The following UBE2D3 variants were observed in gnomAD, a reference collection of about 807,000 sequenced individuals.
The protein encoded by UBE2D3 is ubiquitin-conjugating enzyme E2 D3.
A neutral mutation model predicts 22.8 loss-of-function variants in UBE2D3; 2 were observed. The ratio of observed to expected loss-of-function variants is 0.09; its 90% CI spans 0.04 to 0.28. The LOEUF (loss-of-function observed/expected upper bound fraction) is 0.28, where lower values mean the gene tolerates loss of function less well. Ranked by LOEUF, UBE2D3 falls within the 10% of genes least tolerant of loss-of-function variation. UBE2D3 has a pLI of 1.00. For missense variants in UBE2D3, 27 were observed against 182.5 expected, an observed-to-expected ratio of 0.15 and a Z score of 4.91; for synonymous variants, 56 against 60.4, an observed-to-expected ratio of 0.93 and a Z score of 0.34.
chr4:102,842,242 T>TAA (rs70937574), intron 1 of UBE2D3, among the ~76,000 whole-genome samples: 100 of 125,200 alleles, frequency 8.0e-4, no homozygotes, highest in African/African-American at 1.9e-3. Flanking sequence ...GTTTTGATAC[T>TAA]AAAAAAAAAA....
intron 4 of UBE2D3, 169 bp downstream of exon 4, chr4:102,809,503 C>T (rs2110280776): frequency 1.4e-6 from 1 of 727,730 alleles, no homozygotes; most frequent in Non-Finnish European, 2.2e-6. Context: ...GTACACGTAA[C>T]AAATGACTAA....
At chr4:102,830,065 C>G (rs186323209), upstream of UBE2D3, among the ~76,000 whole-genome samples, 3 of 152,328 alleles carry the variant, frequency 2.0e-5, no homozygotes, top group Admixed American at 1.3e-4. Context: ...TTTCTGTTTA[C>G]AAGTTTGTAT....
chr4:102,853,361 T>C (rs1578295464), intron 1 of UBE2D3, among the ~76,000 whole-genome samples: 2 of 57,792 alleles, frequency 3.5e-5, no homozygotes, highest in Non-Finnish European at 3.3e-5. Context: ...ATCTTGAACA[T>C]GTGAGACAAA....
intron 2 of UBE2D3, among the ~76,000 whole-genome samples, chr4:102,821,921 A>C (rs537363206): frequency 6.6e-6 from 1 of 152,378 alleles, no homozygotes; most frequent in East Asian, 1.9e-4. Context: ...TTAAAAAAAG[A>C]ATGCAAAAAC....
At chr4:102,845,021 CAA>C (rs386401015) in intron 1 of UBE2D3, among the ~76,000 whole-genome samples, 53,113 of 92,618 alleles carry the variant, frequency 0.57, 12,947 homozygotes, top group African/African-American at 0.7. Context: ...GACTCCATCT[CAA>C]AAAAAAAAAA....
At chr4:102,843,933 T>C (rs780428811) in intron 1 of UBE2D3, 1 of 152,312 alleles carries the variant, frequency 6.6e-6, no homozygotes, top group Non-Finnish European at 1.5e-5. Flanking sequence ...TTAAACGTAG[T>C]CTGTTTCTGA....
chr4:102,827,910 C>G, upstream of UBE2D3: 1 of 985,626 alleles, frequency 1.0e-6, no homozygotes, highest in Non-Finnish European at 1.2e-6. Flanking sequence ...TCCAGCCCCA[C>G]GCCCCTCCCC....
chr4:102,850,947 G>T (rs1732310935), intron 1 of UBE2D3, among the ~76,000 whole-genome samples: 1 of 150,950 alleles, frequency 6.6e-6, no homozygotes, highest in South Asian at 2.1e-4. Context: ...GGGTGAGAGG[G>T]GGGTGAGGGA....
intron 2 of UBE2D3, among the ~76,000 whole-genome samples, chr4:102,820,560 T>C (rs974960986): frequency 1.3e-5 from 2 of 152,178 alleles, no homozygotes; most frequent in African/African-American, 2.4e-5. Context: ...TAAGAATGGA[T>C]TGAATATTAC....
At position 102,856,939 on chromosome 4, in the gene UBE2D3, G is replaced by A. The variant is rs532732650; in HGVS notation, c.-129+11776C>T. Among the ~76,000 whole-genome samples, 6 of 152,176 alleles carry A rather than the reference G, an allele frequency of 3.9e-5. No individual in the cohort carries two copies. The East Asian group carries it at 1.2e-3, about 29-fold the overall frequency. ...TAGGTGGAGCATAGGGCACTTATAG[G>A]GTAATAAAATGATTATGTATGCTAC... On this transcript the variant is annotated intron_variant, in intron 1 of 7. Coordinates refer to the UBE2D3 transcript ENST00000338145.
chr4:102,847,462 T>C (rs527590180), intron 1 of UBE2D3, among the ~76,000 whole-genome samples: 42 of 151,398 alleles, frequency 2.8e-4, no homozygotes, highest in African/African-American at 9.9e-4. Flanking sequence ...ATTTTTGTAT[T>C]TTTTCATAGA....
chr4:102,862,566 T>A (rs1442962937), intron 1 of UBE2D3, among the ~76,000 whole-genome samples: 3 of 152,206 alleles, frequency 2.0e-5, no homozygotes, highest in Non-Finnish European at 4.4e-5. Context: ...CTCATTTAGG[T>A]GGAACACATC....
rs1190903905 is a variant in UBE2D3, at chr4:102,825,384, A to G, written c.24+1101T>C. 2.9e-6 allele frequency: 3 copies of G among 1,028,582 alleles called. No homozygotes were observed. The South Asian group carries it at 9.6e-5, about 33-fold the overall frequency. The allele number at this position is 1,028,582 out of a possible 1,614,324, so 63.7% of individuals were successfully genotyped here. Reference sequence around the variant, plus strand: ...TCACAAAAAAGGGAAATACAGTTTAAGAGTTTGAATTTAGGTAAGTTTTGA... The same window carrying G: ...TCACAAAAAAGGGAAATACAGTTTAGGAGTTTGAATTTAGGTAAGTTTTGA... On this transcript the variant is annotated intron_variant, in intron 2 of 7. Transcript: ENST00000453744.
chr4:102,833,491 CTG>C (rs1206070905), intron 1 of UBE2D3, among the ~76,000 whole-genome samples: 2 of 152,170 alleles, frequency 1.3e-5, no homozygotes, highest in African/African-American at 4.8e-5. Context: ...GTGACTGAGA[CTG>C]TGCTTACAGT....
Position 102,795,215 on chromosome 4 carries a change from C to A in UBE2D3, c.*2200G>T, listed in dbSNP as rs1560834448. On this transcript the variant is annotated 3_prime_UTR_variant, in exon 8 of 8. Transcript: ENST00000453744. ...CACATCCACTAATTGTTATGACAAT[C>A]AAAGAAGTCATCTCCGTAAATACCT... 1 of 151,964 alleles carries A rather than the reference C, an allele frequency of 6.6e-6. No homozygotes were observed. The highest frequency in any genetic ancestry group is 2.4e-5 in the African/African-American group (1 of 41,406). The allele number at this position is 151,964 out of a possible 1,614,324, so 9.4% of individuals were successfully genotyped here. A position where few individuals can be genotyped will look rare whatever the true frequency, so the allele number is the denominator to read the frequency against.
At chr4:102,825,770 C>T (rs1324774725) in intron 2 of UBE2D3, 2 of 465,840 alleles carry the variant, frequency 4.3e-6, no homozygotes, top group African/African-American at 2.0e-5. Flanking sequence ...CCCCACTCTC[C>T]AGCCAAAAGG....
At chr4:102,838,314 AC>A in intron 1 of UBE2D3, among the ~76,000 whole-genome samples, 1 of 151,880 alleles carries the variant, frequency 6.6e-6, no homozygotes, top group South Asian at 2.1e-4. Flanking sequence ...TGGAAGTATT[AC>A]AGTTTGATAG....
chr4:102,819,590 C>A (rs1441457469), intron 2 of UBE2D3: 1 of 985,234 alleles, frequency 1.0e-6, no homozygotes, highest in Non-Finnish European at 1.2e-6. Context: ...AAGCGTAACG[C>A]CATAAATAAC....
At chr4:102,813,888 T>G (rs976418193) in intron 2 of UBE2D3, among the ~76,000 whole-genome samples, 4 of 152,178 alleles carry the variant, frequency 2.6e-5, no homozygotes. Context: ...TCAGTCTAGA[T>G]TAATGCCATA....
Sources: gnomAD v4.1 joint callset for allele counts (sites outside exome capture counted in the v4.1 genomes callset) on GRCh38, gnomAD v4.1.1 for gene constraint, MANE v1.5 for transcripts, NCBI Gene and HGNC (gene_info 2026-07-23, HGNC 2026-07-21) for gene names.